The following SLC35D1 variants were observed in gnomAD, a reference collection of about 807,000 sequenced individuals.
The protein encoded by SLC35D1 is solute carrier family 35 member D1.
SLC35D1 carries 31 observed loss-of-function variants against 46.7 expected under a neutral mutation model. That is an observed-to-expected ratio of 0.66 (90% CI 0.50 to 0.90). The LOEUF is 0.90. Ranked by LOEUF, SLC35D1 falls within the 40% of genes least tolerant of loss-of-function variation. SLC35D1 has a pLI of 0.00. For synonymous variants in SLC35D1, 195 were observed against 164.6 expected (o/e 1.18, Z -1.41); for missense variants, 397 against 426.2 (o/e 0.93, Z 0.60).
In SLC35D1 at chr1:67,021,575, T is replaced by TGTCA. The variant is rs768479670; in HGVS notation, c.753_756dup (p.Thr253Ter). The TGTCA allele has an allele frequency of 6.2e-7, 1 of 1,613,872 alleles. No individual in the cohort carries two copies. The highest frequency in any genetic ancestry group is 1.1e-5 in the South Asian group (1 of 91,070). Reference sequence around the variant, plus strand: ...AGGGTGAACTGCAGAAGAAAGAGGGTGTCAGCCCAGCCTTCAAACTCCACA... The same window carrying TGTCA: ...AGGGTGAACTGCAGAAGAAAGAGGGTGTCAGTCAGCCCAGCCTTCAAACTCCACA... On this transcript the variant is annotated stop_gained and frameshift_variant, in exon 9 of 12. Coordinates refer to ENST00000235345, the MANE Select transcript of SLC35D1 (RefSeq NM_015139.3). LOFTEE classifies it high-confidence loss of function.
intron 6 of SLC35D1, 99 bp downstream of exon 6, chr1:67,049,683 T>C (rs1228650477): frequency 9.2e-7 from 1 of 1,085,148 alleles, no homozygotes; most frequent in Non-Finnish European, 1.4e-6. Flanking sequence ...AAGATATAAT[T>C]CTTATTTAGG....
intron 3 of SLC35D1, among the ~76,000 whole-genome samples, chr1:67,052,448 T>C (rs1180640596): frequency 1.3e-5 from 2 of 152,166 alleles, no homozygotes; most frequent in African/African-American, 2.4e-5. Context: ...GCAGACAGTA[T>C]AAAATAAGCC....
chr1:66,978,877 A>AT, the SLC35D1 span, among the ~76,000 whole-genome samples: 1 of 152,166 alleles, frequency 6.6e-6, no homozygotes, highest in Non-Finnish European at 1.5e-5. Context: ...TTCTCTATTG[A>AT]TCTCCCCATA....
At chr1:66,978,952 CT>C in the SLC35D1 span, among the ~76,000 whole-genome samples, 2 of 152,132 alleles carry the variant, frequency 1.3e-5, no homozygotes, top group African/African-American at 4.8e-5. Context: ...GTTAAATATT[CT>C]TTAGGTAGAG....
chr1:67,032,630 G>A (rs892232299), intron 8 of SLC35D1, among the ~76,000 whole-genome samples: 2 of 152,022 alleles, frequency 1.3e-5, no homozygotes, highest in Admixed American at 6.6e-5. Flanking sequence ...GCAGTGAGCC[G>A]AGATCGCACC....
the SLC35D1 span, chr1:66,987,309 TA>T: frequency 5.2e-5 from 8 of 152,740 alleles, no homozygotes; most frequent in African/African-American, 1.7e-4. Flanking sequence ...GCTTAAGATT[TA>T]GTACATTTCA....
At chr1:67,048,508 T>C (rs1001962179) in intron 6 of SLC35D1, among the ~76,000 whole-genome samples, 5 of 152,196 alleles carry the variant, frequency 3.3e-5, no homozygotes, top group African/African-American at 7.2e-5. Context: ...TAGTAACCAA[T>C]TACGCCACTC....
the SLC35D1 span, among the ~76,000 whole-genome samples, chr1:66,993,193 G>A: frequency 1.8e-4 from 28 of 152,322 alleles, no homozygotes; most frequent in Admixed American, 4.6e-4. Flanking sequence ...GAGAATGGCA[G>A]GAATGTGAGC....
chr1:67,033,267 T>A (rs1370628982), intron 8 of SLC35D1, among the ~76,000 whole-genome samples: 2 of 152,224 alleles, frequency 1.3e-5, no homozygotes, highest in Admixed American at 1.3e-4. Context: ...CTAGATTGTA[T>A]GGTAGCTGTA....
At chr1:67,038,834 T>TACACACACACACACACACAC (rs112186155) in intron 8 of SLC35D1, among the ~76,000 whole-genome samples, 11 of 130,690 alleles carry the variant, frequency 8.4e-5, no homozygotes, top group Admixed American at 6.5e-4. Context: ...TAAATATGTA[T>TACACACACACACACACACAC]ACACACACAC....
intron 8 of SLC35D1, among the ~76,000 whole-genome samples, chr1:67,026,552 C>G (rs1183832151): frequency 6.6e-6 from 1 of 152,048 alleles, no homozygotes; most frequent in Non-Finnish European, 1.5e-5. Context: ...AATTTTTTGT[C>G]AAATTCTCCA....
At chr1:67,050,402 A>G (rs1370391418) in intron 5 of SLC35D1, 31 bp downstream of exon 5, 4 of 1,525,264 alleles carry the variant, frequency 2.6e-6, no homozygotes, top group Non-Finnish European at 3.6e-6. Flanking sequence ...AAGGTGATTT[A>G]AAGAACAGAT....
intron 8 of SLC35D1, 138 bp downstream of exon 8, chr1:67,042,098 G>A: frequency 1.2e-6 from 1 of 817,058 alleles, no homozygotes; most frequent in South Asian, 1.4e-5. Flanking sequence ...CATGACATTA[G>A]CAATTTAAAG....
chr1:67,027,292 T>C (rs746468766), intron 8 of SLC35D1, among the ~76,000 whole-genome samples: 1 of 152,230 alleles, frequency 6.6e-6, no homozygotes, highest in Non-Finnish European at 1.5e-5. Context: ...GCCTGATTAA[T>C]TGGCTATGAA....
At chr1:67,018,104 A>G (rs1448359429) in intron 10 of SLC35D1, among the ~76,000 whole-genome samples, 2 of 152,244 alleles carry the variant, frequency 1.3e-5, no homozygotes, top group South Asian at 2.1e-4. Flanking sequence ...AAGAAACTTC[A>G]AAATTATTTT....
rs1203219316 is a variant in SLC35D1, at chr1:67,025,790, C to A, written c.730-4188G>T. Among the ~76,000 whole-genome samples, 4 of 152,058 alleles carry A rather than the reference C, an allele frequency of 2.6e-5. No homozygotes were observed. The East Asian group carries it at 7.7e-4, about 29-fold the overall frequency. On this transcript the variant is annotated intron_variant, in intron 8 of 11. Transcript: ENST00000235345. ...TAACATATTTTGTTAAATTTATCCC[C>A]CAAGTACTTTATAATCTGAAGCTAT... is the stretch of plus-strand genomic sequence containing the variant.
the SLC35D1 span, among the ~76,000 whole-genome samples, chr1:66,990,079 A>G: frequency 6.6e-6 from 1 of 152,124 alleles, no homozygotes; most frequent in Non-Finnish European, 1.5e-5. Context: ...AATCCCCTCT[A>G]AGCACATATT....
the SLC35D1 span, chr1:66,976,584 G>A: frequency 1.2e-5 from 19 of 1,552,828 alleles, no homozygotes; most frequent in Non-Finnish European, 1.6e-5. Context: ...GCAAGCATTT[G>A]TTTCTTACAG....
At chr1:67,021,168 C>G (rs1423935909) in intron 9 of SLC35D1, among the ~76,000 whole-genome samples, 1 of 152,216 alleles carries the variant, frequency 6.6e-6, no homozygotes, top group Non-Finnish European at 1.5e-5. Flanking sequence ...AGGGGTCAAA[C>G]TGCCCCAAAT....
Sources: gnomAD v4.1 joint callset for allele counts (sites outside exome capture counted in the v4.1 genomes callset) on GRCh38, gnomAD v4.1.1 for gene constraint, MANE v1.5 for transcripts, NCBI Gene and HGNC (gene_info 2026-07-23, HGNC 2026-07-21) for gene names.